PRKG1: variants seen among roughly 807,000 people sequenced by gnomAD.
PRKG1 encodes protein kinase cGMP-dependent 1.
Under a neutral mutation model 88.1 loss-of-function variants are expected in PRKG1, and 35 were observed. That is an observed-to-expected ratio of 0.40 (90% CI 0.30 to 0.53). The LOEUF (loss-of-function observed/expected upper bound fraction) is 0.53, where lower values mean the gene tolerates loss of function less well. Among genes scored for constraint, PRKG1 ranks in the 20% least tolerant of loss-of-function variants. The pLI is 0.59. For synonymous variants in PRKG1, 303 were observed against 292.5 expected, an observed-to-expected ratio of 1.04 and a Z score of -0.37; for missense variants, 540 against 839.8, an observed-to-expected ratio of 0.64 and a Z score of 4.41.
At chr10:51,373,462 T>C (rs1478208999) in intron 2 of PRKG1, among the ~76,000 whole-genome samples, 1 of 152,144 alleles carries the variant, frequency 6.6e-6, no homozygotes, top group Non-Finnish European at 1.5e-5. Context: ...AGTTCCAGGG[T>C]ACATGTGCGG....
chr10:52,244,069 C>T (rs1840937055), intron 9 of PRKG1, among the ~76,000 whole-genome samples: 2 of 152,018 alleles, frequency 1.3e-5, no homozygotes, highest in South Asian at 2.1e-4. Context: ...CATTAAATTA[C>T]TTTTACACTT....
intron 4 of PRKG1, among the ~76,000 whole-genome samples, chr10:51,827,595 A>G (rs1017848872): frequency 2.0e-5 from 3 of 152,086 alleles, no homozygotes; most frequent in African/African-American, 7.2e-5. Context: ...TCCAGTAACT[A>G]CTATTTCTAG....
chr10:51,889,972 G>A (rs1841676168), intron 4 of PRKG1, among the ~76,000 whole-genome samples: 1 of 152,152 alleles, frequency 6.6e-6, no homozygotes, highest in Admixed American at 6.5e-5. Context: ...TTTGTCAGAT[G>A]AGTAGATTGC....
intron 3 of PRKG1, among the ~76,000 whole-genome samples, chr10:51,694,197 T>G (rs1841223598): frequency 6.6e-6 from 1 of 152,158 alleles, no homozygotes; most frequent in Non-Finnish European, 1.5e-5. Flanking sequence ...ATAATTCAGT[T>G]TCTCTGCCAC....
At chr10:51,158,673 A>G (rs1432769126) in intron 2 of PRKG1, among the ~76,000 whole-genome samples, 2 of 151,994 alleles carry the variant, frequency 1.3e-5, no homozygotes, top group African/African-American at 4.8e-5. Flanking sequence ...TTATTGAAAG[A>G]ATGGCTATGA....
chr10:51,861,449 A>C (rs1337919471), intron 4 of PRKG1, among the ~76,000 whole-genome samples: 2 of 152,196 alleles, frequency 1.3e-5, no homozygotes, highest in Non-Finnish European at 2.9e-5. Context: ...TATATTTATT[A>C]GAACTATTAT....
At chr10:51,728,470 T>G (rs1162962166) in intron 3 of PRKG1, among the ~76,000 whole-genome samples, 1 of 149,386 alleles carries the variant, frequency 6.7e-6, no homozygotes, top group Non-Finnish European at 1.5e-5. Context: ...TTTTTTTTTT[T>G]TTTTTTTTTT....
chr10:51,361,266 G>A (rs141377737), intron 2 of PRKG1, among the ~76,000 whole-genome samples: 3 of 151,978 alleles, frequency 2.0e-5, no homozygotes, highest in African/African-American at 7.2e-5. Flanking sequence ...TACATGGCAT[G>A]AACCGCTATA....
chr10:51,996,957 A>G (rs1844461811), intron 5 of PRKG1, among the ~76,000 whole-genome samples: 1 of 152,182 alleles, frequency 6.6e-6, no homozygotes, highest in Non-Finnish European at 1.5e-5. Flanking sequence ...AAAAGGAGAA[A>G]TTCTGTTATT....
In PRKG1 at chr10:51,066,994, T is replaced by C. The variant is rs151283152; in HGVS notation, c.266+75350T>C. Among the ~76,000 whole-genome samples, 232 of 152,180 alleles carry C rather than the reference T, an allele frequency of 1.5e-3. 1 individual carries two copies. Among genetic ancestry groups the C allele is most frequent in the African/African-American group, 5.4e-3 (223 of 41,538 alleles). On this transcript the variant is annotated intron_variant, in intron 1 of 17. Transcript: ENST00000401604. ...TAAGATCCATGATAACTATGTTTTC[T>C]TCCTGTCACTTTGAATATTTTCTAG...
At chr10:51,715,852 G>T (rs12261680) in intron 3 of PRKG1, among the ~76,000 whole-genome samples, 17,256 of 152,198 alleles carry the variant, frequency 0.11, 1,172 homozygotes, top group African/African-American at 0.19. Flanking sequence ...CATCAAAAGT[G>T]TTGACATTTT....
chr10:51,394,479 A>G (rs1046708995), intron 2 of PRKG1, among the ~76,000 whole-genome samples: 5 of 152,238 alleles, frequency 3.3e-5, no homozygotes, highest in Non-Finnish European at 7.3e-5. Flanking sequence ...TACCCTTTCC[A>G]TGTCCTGTTG....
chr10:51,648,946 A>G (rs1839977068), intron 3 of PRKG1, among the ~76,000 whole-genome samples: 1 of 152,174 alleles, frequency 6.6e-6, no homozygotes, highest in Non-Finnish European at 1.5e-5. Context: ...GCTCATGCCT[A>G]TAATCCCAAC....
chr10:51,121,415 T>C (rs895566556), intron 1 of PRKG1, among the ~76,000 whole-genome samples: 4 of 152,152 alleles, frequency 2.6e-5, no homozygotes, highest in African/African-American at 9.7e-5. Context: ...TGAGTTTTTC[T>C]CTCTCTGCAT....
At chr10:51,437,882 C>G (rs973119189) in intron 2 of PRKG1, among the ~76,000 whole-genome samples, 7 of 149,644 alleles carry the variant, frequency 4.7e-5, no homozygotes, top group Non-Finnish European at 7.4e-5. Flanking sequence ...GCTAAGTATT[C>G]CATAATTTAC....
chr10:51,531,961 A>G (rs574604258), intron 3 of PRKG1, among the ~76,000 whole-genome samples: 8 of 152,204 alleles, frequency 5.3e-5, no homozygotes, highest in African/African-American at 1.9e-4. Context: ...TTTTTAAAAA[A>G]ATGACAGTCA....
intron 3 of PRKG1, among the ~76,000 whole-genome samples, chr10:51,484,449 G>C (rs1337601691): frequency 1.3e-5 from 2 of 152,044 alleles, no homozygotes; most frequent in African/African-American, 4.8e-5. Flanking sequence ...ACTAATTTTT[G>C]TATTTTTGGT....
At chr10:51,589,924 G>A (rs893800461) in intron 3 of PRKG1, among the ~76,000 whole-genome samples, 5 of 152,148 alleles carry the variant, frequency 3.3e-5, no homozygotes, top group African/African-American at 1.2e-4. Context: ...GATATACTAA[G>A]AAGTAATCAG....
At chr10:52,253,648 A>T (rs560048754) in intron 10 of PRKG1, among the ~76,000 whole-genome samples, 1 of 151,748 alleles carries the variant, frequency 6.6e-6, no homozygotes, top group Non-Finnish European at 1.5e-5. Flanking sequence ...TGTACATATA[A>T]TCTCCATCCC....
Sources: gnomAD v4.1 joint callset for allele counts (sites outside exome capture counted in the v4.1 genomes callset) on GRCh38, gnomAD v4.1.1 for gene constraint, MANE v1.5 for transcripts, NCBI Gene and HGNC (gene_info 2026-07-23, HGNC 2026-07-21) for gene names.